C6orf120: variants seen among roughly 807,000 people sequenced by gnomAD.
C6orf120 encodes the protein UPF0669 protein C6orf120.
For missense variants in C6orf120, 311 were observed against 264.2 expected (o/e 1.18, Z -1.23); for synonymous variants, 165 against 123.1 (o/e 1.34, Z -2.25).
exon 1 of C6orf120, chr6:169,702,607 G>A (rs1421957743): frequency 6.2e-7 from 1 of 1,613,242 alleles, no homozygotes; most frequent in East Asian, 2.2e-5. Flanking sequence ...GGGCCAGATA[G>A]GCGCCGGGAA....
At chr6:169,702,400 G>C in exon 1 of C6orf120, 1 of 1,045,368 alleles carries the variant, frequency 9.6e-7, no homozygotes, top group South Asian at 1.6e-5. Context: ...GGTGCTGAGC[G>C]CCTCCGGTGT....
exon 1 of C6orf120, chr6:169,702,486 G>T: frequency 1.3e-6 from 2 of 1,574,760 alleles, no homozygotes; most frequent in Non-Finnish European, 1.7e-6. Flanking sequence ...GGAGGGCCGC[G>T]CCCTGGACGA....
exon 1 of C6orf120, chr6:169,703,412 G>GT (rs5881838): frequency 0.092 from 22,478 of 244,206 alleles, 2,941 homozygotes; most frequent in East Asian, 0.6. Flanking sequence ...CGAAGTTGGT[G>GT]TAAGTTTTCA....
chr6:169,705,625 C>G, downstream of C6orf120: 1 of 1,449,932 alleles, frequency 6.9e-7, no homozygotes, highest in Non-Finnish European at 9.7e-7. Flanking sequence ...CCACTATTCT[C>G]ACATTGGGAG....
chr6:169,703,856 G>C (rs1788631686), exon 1 of C6orf120: 10 of 624,208 alleles, frequency 1.6e-5, no homozygotes, highest in Non-Finnish European at 2.7e-5. Flanking sequence ...TTAGTTTCGA[G>C]AGTAAGCGTA....
chr6:169,705,446 T>C, downstream of C6orf120: 1 of 739,310 alleles, frequency 1.4e-6, no homozygotes, highest in Non-Finnish European at 2.3e-6. Context: ...CAAAGAGAAA[T>C]GAATATACAA....
chr6:169,703,621 G>T, exon 1 of C6orf120: 1 of 225,728 alleles, frequency 4.4e-6, no homozygotes, highest in Non-Finnish European at 9.2e-6. Context: ...AATCTTAGTG[G>T]GCCATTTGTC....
exon 1 of C6orf120, chr6:169,702,943 G>A (rs926300230): frequency 6.2e-7 from 1 of 1,611,590 alleles, no homozygotes; most frequent in South Asian, 1.1e-5. Flanking sequence ...GAAGCACGCT[G>A]GTGCCCCGGA....
At chr6:169,703,377 G>A in exon 1 of C6orf120, 1 of 283,370 alleles carries the variant, frequency 3.5e-6, no homozygotes, top group East Asian at 8.3e-5. Flanking sequence ...TGATAACTTT[G>A]TAATTTTACT....
exon 1 of C6orf120, chr6:169,703,168 C>T (rs1585290194): frequency 2.0e-6 from 2 of 992,228 alleles, no homozygotes; most frequent in Non-Finnish European, 2.9e-6. Flanking sequence ...TAAAGCCATA[C>T]GCAGTTTTGT....
chr6:169,704,216 C>T (rs1231783436), exon 1 of C6orf120: 1 of 617,318 alleles, frequency 1.6e-6, no homozygotes, highest in Non-Finnish European at 2.7e-6. Context: ...GTGAGAAGGG[C>T]ACTATGAGTT....
downstream of C6orf120, chr6:169,705,643 T>G: frequency 5.2e-6 from 8 of 1,533,192 alleles, no homozygotes; most frequent in Non-Finnish European, 6.3e-6. Flanking sequence ...GAGCAGTGTA[T>G]AAGTGATTCA....
downstream of C6orf120, among the ~76,000 whole-genome samples, chr6:169,705,904 A>G (rs1262824787): frequency 6.6e-6 from 1 of 152,228 alleles, no homozygotes; most frequent in Non-Finnish European, 1.5e-5. Context: ...TGAAGAAAGC[A>G]TTAATTTCAT....
exon 1 of C6orf120, chr6:169,704,841 A>G (rs1438757593): frequency 3.7e-6 from 1 of 272,552 alleles, no homozygotes; most frequent in Non-Finnish European, 7.2e-6. Flanking sequence ...GATAACATAT[A>G]AAAATAAAGG....
chr6:169,702,672 C>T (rs1435139062), exon 1 of C6orf120: 2 of 1,613,494 alleles, frequency 1.2e-6, no homozygotes, highest in East Asian at 4.5e-5. Context: ...GGATGCGCAG[C>T]CTCAAGGGAG....
chr6:169,703,030 T>G lies in C6orf120; in HGVS notation c.571T>G (p.Phe191Val), dbSNP rs754456918. Residue 191 changes from phenylalanine (F) to valine (V), a missense_variant, in exon 1 of 1, where the codon TTT becomes GTT. Physicochemically the swap from Phe to Val is conservative, Grantham distance 50. Transcript: ENST00000332290. ...TTTGAAACTGGTACTTGAAATTCTC[T>G]TTTGAGTCGTTGACCACACTCTGGG... 13 of 1,549,112 alleles carry G rather than the reference T, an allele frequency of 8.4e-6. No homozygotes were observed. The South Asian group carries it at 1.5e-4, about 18-fold the overall frequency.
chr6:169,705,035 C>G, downstream of C6orf120: 2 of 854,158 alleles, frequency 2.3e-6, no homozygotes, highest in Admixed American at 5.4e-5. Context: ...TAAGAGTCCA[C>G]AAGCTCTTCA....
exon 1 of C6orf120, chr6:169,703,213 A>G: frequency 1.5e-6 from 1 of 650,330 alleles, no homozygotes; most frequent in Admixed American, 2.9e-5. Flanking sequence ...AAAAGCAGCA[A>G]GCACAGTATT....
At chr6:169,704,588 T>C (rs889534761) in exon 1 of C6orf120, 1 of 169,946 alleles carries the variant, frequency 5.9e-6, no homozygotes, top group Non-Finnish European at 1.4e-5. Context: ...GCTTGCTTAA[T>C]GATTCCCAGG....
Sources: gnomAD v4.1 joint callset for allele counts (sites outside exome capture counted in the v4.1 genomes callset) on GRCh38, gnomAD v4.1.1 for gene constraint, MANE v1.5 for transcripts, NCBI Gene and HGNC (gene_info 2026-07-23, HGNC 2026-07-21) for gene names.